Variants in NEMF observed in about 807,000 individuals in gnomAD.
NEMF encodes the protein ribosome quality control complex subunit NEMF.
In NEMF, 89 loss-of-function variants were observed where a neutral mutation model predicts 162.2. That is an observed-to-expected ratio of 0.55 (90% CI 0.46 to 0.65). The LOEUF is 0.65. Ranked by LOEUF, NEMF falls within the 30% of genes least tolerant of loss-of-function variation. The probability of loss-of-function intolerance (pLI) is 0.00; values close to 1 mark genes in which losing one functional copy is unlikely to be tolerated. For missense variants in NEMF, 1,133 were observed against 1,261.9 expected, an observed-to-expected ratio of 0.90 and a Z score of 1.55; for synonymous variants, 421 against 404.5, an observed-to-expected ratio of 1.04 and a Z score of -0.49.
intron 6 of NEMF, 77 bp from the exon 7 acceptor site, chr14:49,834,526 T>A (rs916819678): frequency 9.5e-7 from 1 of 1,057,302 alleles, no homozygotes; most frequent in Non-Finnish European, 1.4e-6. Context: ...GATGGAGTTT[T>A]ACCCGTCGCC....
intron 18 of NEMF, among the ~76,000 whole-genome samples, chr14:49,810,958 C>A (rs1049210681): frequency 6.6e-6 from 1 of 152,178 alleles, no homozygotes; most frequent in African/African-American, 2.4e-5. Flanking sequence ...CACTTTATTA[C>A]AGCCTGGGTG....
intron 16 of NEMF, among the ~76,000 whole-genome samples, chr14:49,824,063 G>A (rs982507301): frequency 6.6e-6 from 1 of 151,946 alleles, no homozygotes; most frequent in Non-Finnish European, 1.5e-5. Flanking sequence ...CCAGCTACTC[G>A]GGAGGCTGAG....
At chr14:49,817,713 T>C (rs1891787013) in intron 16 of NEMF, among the ~76,000 whole-genome samples, 2 of 152,190 alleles carry the variant, frequency 1.3e-5, no homozygotes, top group Non-Finnish European at 2.9e-5. Context: ...TTTCTGCCAA[T>C]ATATTTTAAA....
chr14:49,822,616 G>A (rs552299418), intron 16 of NEMF, among the ~76,000 whole-genome samples: 1 of 131,042 alleles, frequency 7.6e-6, no homozygotes, highest in African/African-American at 2.8e-5. Flanking sequence ...GATCACTTGA[G>A]CCCAGGAGTT....
At chr14:49,845,975 GGTT>G in intron 4 of NEMF, 162 bp downstream of exon 4, 1 of 573,924 alleles carries the variant, frequency 1.7e-6, no homozygotes, top group Non-Finnish European at 3.0e-6. Context: ...ATAAAATGAA[GGTT>G]ATTACTGGAA....
Position 49,800,585 on chromosome 14 carries a change from T to A in NEMF, c.2207A>T (p.Asp736Val). The A allele has an allele frequency of 6.2e-7, 1 of 1,614,062 alleles. No homozygotes were observed. Among genetic ancestry groups the A allele is most frequent in the Non-Finnish European group, 8.5e-7 (1 of 1,179,980 alleles). Residue 736 changes from aspartate (D) to valine (V), a missense_variant, in exon 23 of 33, where the codon GAT becomes GTT. Physicochemically the swap from Asp to Val is radical, Grantham distance 152 (BLOSUM62 -3). Transcript: ENST00000298310. ...CTGAATGAGCTCCTCATTTAGTTCA[T>A]CTCTGCCACTCTGAAGAGTGATATC... ...QEDITLQSGRDELNEELIQEE... is the reference protein window; with the variant it reads ...QEDITLQSGRVELNEELIQEE...
chr14:49,824,648 C>T (rs1027318002), intron 16 of NEMF, among the ~76,000 whole-genome samples: 2 of 151,198 alleles, frequency 1.3e-5, no homozygotes, highest in East Asian at 1.9e-4. Flanking sequence ...AGGCTAGTCT[C>T]GAACTCCAGA....
intron 4 of NEMF, among the ~76,000 whole-genome samples, chr14:49,843,380 G>C (rs1893311623): frequency 1.3e-5 from 2 of 152,162 alleles, no homozygotes; most frequent in African/African-American, 4.8e-5. Context: ...TGTGGTACCA[G>C]CTACATGAAA....
At chr14:49,807,193 C>A (rs1170667848) in intron 18 of NEMF, among the ~76,000 whole-genome samples, 1 of 152,196 alleles carries the variant, frequency 6.6e-6, no homozygotes, top group Non-Finnish European at 1.5e-5. Flanking sequence ...CAAGATTCAT[C>A]CATGTTAAAA....
intron 4 of NEMF, among the ~76,000 whole-genome samples, chr14:49,841,520 G>A (rs1893207638): frequency 6.8e-6 from 1 of 147,796 alleles, no homozygotes; most frequent in South Asian, 2.1e-4. Context: ...GTTGCAGTGA[G>A]CTGAGACTGA....
chr14:49,846,063 C>G (rs1893484738), intron 4 of NEMF, 77 bp downstream of exon 4: 2 of 1,239,464 alleles, frequency 1.6e-6, no homozygotes, highest in Admixed American at 4.6e-5. Context: ...AATGTTCCCC[C>G]ACTCATGTTA....
intron 6 of NEMF, among the ~76,000 whole-genome samples, chr14:49,836,029 G>T (rs191114438): frequency 7.9e-5 from 12 of 152,256 alleles, no homozygotes; most frequent in Admixed American, 7.9e-4. Context: ...CTGATCCACA[G>T]ACTTAATGTA....
rs1040947423 is a variant in NEMF, at chr14:49,831,336, A to T, written c.908T>A (p.Ile303Lys). ...DKAVDEFYSK[I>K]EGQKIDLKAL... ...TTTTAAGTCAATTTTCTGGCCTTCT[A>T]TCTTGGAATAAAATTCATCCACCGC... is the stretch of plus-strand genomic sequence containing the variant. Residue 303 changes from isoleucine (I) to lysine (K), a missense_variant, in exon 11 of 33, where the codon ATA (isoleucine) becomes AAA (lysine). Ile to Lys is a moderately radical substitution (Grantham distance 102, BLOSUM62 -3). Coordinates refer to ENST00000298310, the MANE Select transcript of NEMF (RefSeq NM_004713.6). The T allele has an allele frequency of 6.2e-7, 1 of 1,602,788 alleles. No homozygotes were observed. Among genetic ancestry groups the T allele is most frequent in the African/African-American group, 1.3e-5 (1 of 74,650 alleles).
chr14:49,831,385 G>C, intron 10 of NEMF, 24 bp from the exon 11 acceptor site: 1 of 1,477,034 alleles, frequency 6.8e-7, no homozygotes, highest in Non-Finnish European at 9.4e-7. Context: ...CAAACAACTA[G>C]TTGGAAAAAA....
chr14:49,851,749 A>C, intron 2 of NEMF, 58 bp downstream of exon 2: 1 of 1,459,154 alleles, frequency 6.9e-7, no homozygotes, highest in South Asian at 1.2e-5. Flanking sequence ...GGTTAAAAAA[A>C]ATCAGTAATC....
At chr14:49,840,969 G>A in intron 4 of NEMF, 103 bp from the exon 5 acceptor site, 1 of 954,184 alleles carries the variant, frequency 1.0e-6, no homozygotes, top group Non-Finnish European at 1.5e-6. Context: ...GGCCGAGGCA[G>A]GCAGATCACT....
rs1890061821 is a variant in NEMF, at chr14:49,784,448, T to C, written c.*188A>G. On this transcript the variant is annotated 3_prime_UTR_variant, in exon 33 of 33. Coordinates refer to ENST00000298310, the MANE Select transcript of NEMF (RefSeq NM_004713.6). The stretch of plus-strand genomic sequence containing the variant: ...TCCACAAATACTTTTGGAAATCCTA[T>C]CATAGACAGTGTTTCCTCTATATAA... 1 of 524,434 alleles carries C rather than the reference T, an allele frequency of 1.9e-6. No individual in the cohort carries two copies. The highest frequency in any genetic ancestry group is 3.4e-6 in the Non-Finnish European group (1 of 296,596). 32.5% of individuals were successfully genotyped at this position (524,434 alleles called of 1,614,324 possible).
At chr14:49,796,956 T>C (rs778150976) in intron 25 of NEMF, among the ~76,000 whole-genome samples, 1 of 152,240 alleles carries the variant, frequency 6.6e-6, no homozygotes, top group Non-Finnish European at 1.5e-5. Flanking sequence ...TTTCAAGGTA[T>C]ACTTCTGATG....
At chr14:49,830,091 G>A (rs1594784303) in intron 11 of NEMF, among the ~76,000 whole-genome samples, 1 of 152,054 alleles carries the variant, frequency 6.6e-6, no homozygotes, top group South Asian at 2.1e-4. Context: ...TCAATTGGGG[G>A]ACAAAATTTC....
Sources: allele counts gnomAD v4.1 joint callset (sites outside exome capture counted in the v4.1 genomes callset), GRCh38; gene constraint gnomAD v4.1.1; transcripts MANE v1.5; gene names NCBI Gene and HGNC (gene_info 2026-07-23, HGNC 2026-07-21).